PCDH11X: variants seen among roughly 807,000 people sequenced by gnomAD.
PCDH11X encodes the protein protocadherin 11 X-linked, also known as protocadherin-11 X-linked.
Under a neutral mutation model 53.3 loss-of-function variants are expected in PCDH11X, and 18 were observed. The observed-to-expected ratio is 0.34, with a 90% CI of 0.23 to 0.50. The LOEUF is 0.50. PCDH11X is among the 20% of genes least tolerant of loss of function. PCDH11X has a pLI of 0.98. For synonymous variants in PCDH11X, 279 were observed against 393.3 expected, an observed-to-expected ratio of 0.71 and a Z score of 3.44; for missense variants, 570 against 1,032.4, an observed-to-expected ratio of 0.55 and a Z score of 6.14.
chrX:92,428,130 A>C (rs2072167315), intron 9 of PCDH11X, among the ~76,000 whole-genome samples: 1 of 106,443 alleles, frequency 9.4e-6, no homozygotes, highest in African/African-American at 3.4e-5. Flanking sequence ...TCAGAATCAT[A>C]ATAAAACTCT....
chrX:92,056,599 C>A (rs1432184880), intron 6 of PCDH11X, among the ~76,000 whole-genome samples: 1 of 110,273 alleles, frequency 9.1e-6, no homozygotes, highest in Non-Finnish European at 1.9e-5. Context: ...GTCATGCAAT[C>A]TTTGCCCATG....
chrX:92,382,404 T>C (rs1381889964), intron 8 of PCDH11X, among the ~76,000 whole-genome samples: 1 of 111,259 alleles, frequency 9.0e-6, no homozygotes, highest in Non-Finnish European at 1.9e-5. Context: ...TCAAGTATTC[T>C]ATAATTAGAA....
intron 9 of PCDH11X, among the ~76,000 whole-genome samples, chrX:92,407,664 G>A (rs1248706787): frequency 9.2e-6 from 1 of 108,113 alleles, no homozygotes; most frequent in Non-Finnish European, 1.9e-5. Flanking sequence ...ACATAGTCTT[G>A]ATAAAAATAA....
At chrX:92,416,569 A>G (rs2071816380) in intron 9 of PCDH11X, among the ~76,000 whole-genome samples, 1 of 110,508 alleles carries the variant, frequency 9.0e-6, no homozygotes, top group African/African-American at 3.3e-5. Flanking sequence ...TGAGAATGGA[A>G]ATTAGAAAGT....
chrX:92,284,827 G>T (rs1426867012), intron 8 of PCDH11X, among the ~76,000 whole-genome samples: 4 of 111,846 alleles, frequency 3.6e-5, no homozygotes, highest in Non-Finnish European at 5.6e-5. Context: ...AAATGAGCTG[G>T]AACTCTAGGG....
intron 7 of PCDH11X, among the ~76,000 whole-genome samples, chrX:92,218,321 G>A (rs868554411): frequency 2.6e-5 from 1 of 38,603 alleles, no homozygotes; most frequent in Non-Finnish European, 6.1e-5. Context: ...AAGAAGAAAA[G>A]AGAGAAGAAT....
chrX:92,194,067 C>CGTTA (rs1368403424), intron 6 of PCDH11X, among the ~76,000 whole-genome samples: 1 of 111,682 alleles, frequency 9.0e-6, no homozygotes, highest in Non-Finnish European at 1.9e-5. Flanking sequence ...CTTATGGTAA[C>CGTTA]AGCAGTGACA....
At chrX:92,499,833 T>TA (rs775131573) in intron 10 of PCDH11X, among the ~76,000 whole-genome samples, 8 of 104,193 alleles carry the variant, frequency 7.7e-5, no homozygotes. Flanking sequence ...CCATGTCTCA[T>TA]AAAAAAAGAA....
intron 8 of PCDH11X, among the ~76,000 whole-genome samples, chrX:92,312,434 T>C (rs1288379167): frequency 9.1e-6 from 1 of 110,359 alleles, no homozygotes; most frequent in African/African-American, 3.3e-5. Context: ...TTCAAATTTA[T>C]CAAAATGTAA....
chrX:92,147,825 TTCTTTCTTTC>T, intron 6 of PCDH11X, among the ~76,000 whole-genome samples: 1 of 91,888 alleles, frequency 1.1e-5, no homozygotes, highest in African/African-American at 4.6e-5. Flanking sequence ...CTTTCTTTCT[TTCTTTCTTTC>T]TTTCTTTCTT....
intron 10 of PCDH11X, among the ~76,000 whole-genome samples, chrX:92,582,610 G>A (rs1248500601): frequency 9.0e-6 from 1 of 111,250 alleles, no homozygotes; most frequent in Admixed American, 9.6e-5. Context: ...GAAAGAAAAT[G>A]TGGGGTTGAA....
intron 10 of PCDH11X, among the ~76,000 whole-genome samples, chrX:92,533,518 A>G (rs1234127887): frequency 1.9e-5 from 2 of 106,120 alleles, no homozygotes; most frequent in Non-Finnish European, 3.9e-5. Context: ...CATGCTTAGC[A>G]TGTTGGAAGA....
chrX:92,086,191 G>T (rs1013085441), intron 6 of PCDH11X, among the ~76,000 whole-genome samples: 14 of 110,964 alleles, frequency 1.3e-4, no homozygotes, highest in African/African-American at 4.6e-4. Flanking sequence ...TTGACTGAAG[G>T]TTGCTTAATA....
rs754595290 is a variant in PCDH11X at position 91,974,827 on chromosome X, A to G, written c.3033+95554A>G. 4.9e-4 allele frequency among the ~76,000 whole-genome samples: 53 copies of G among 108,681 alleles called. No individual in the cohort carries two copies. The East Asian group carries it at 0.012, about 25-fold the overall frequency. The allele number at this position is 108,681 out of a possible 115,157, so 94.4% of individuals were successfully genotyped here. On this transcript the variant is annotated intron_variant, in intron 6 of 10. Coordinates refer to ENST00000682573, the MANE Select transcript of PCDH11X (RefSeq NM_032968.5). ...GAGTGCAATGGCCCGATCTCGGCTC[A>G]CTGCAACCTCCACCTCCCGGGCTCA...
intron 7 of PCDH11X, among the ~76,000 whole-genome samples, chrX:92,253,050 A>C (rs1213444166): frequency 1.8e-5 from 2 of 111,506 alleles, no homozygotes; most frequent in Non-Finnish European, 3.8e-5. Flanking sequence ...AAGAAAAAAA[A>C]AAGTTGTAAA....
intron 9 of PCDH11X, among the ~76,000 whole-genome samples, chrX:92,465,801 T>C (rs765982633): frequency 1.2e-3 from 129 of 111,239 alleles, no homozygotes; most frequent in African/African-American, 4.0e-3. Flanking sequence ...AGATTTTTTT[T>C]CTTTAAAATG....
chrX:91,863,433 T>C (rs1188383684), intron 5 of PCDH11X, among the ~76,000 whole-genome samples: 1 of 111,983 alleles, frequency 8.9e-6, no homozygotes, highest in South Asian at 3.7e-4. Context: ...CTCTTTTTTG[T>C]TTTCCATTGG....
At chrX:92,350,072 G>T (rs1184047380) in intron 8 of PCDH11X, among the ~76,000 whole-genome samples, 2 of 110,764 alleles carry the variant, frequency 1.8e-5, no homozygotes, top group African/African-American at 6.6e-5. Context: ...CATATACACT[G>T]AAGTTGTGAT....
intron 8 of PCDH11X, among the ~76,000 whole-genome samples, chrX:92,308,461 A>G (rs1463500614): frequency 1.8e-5 from 2 of 111,412 alleles, no homozygotes; most frequent in Non-Finnish European, 3.8e-5. Flanking sequence ...AAAATAATGA[A>G]GTGAGACTCT....
Sources: allele counts gnomAD v4.1 joint callset (sites outside exome capture counted in the v4.1 genomes callset), GRCh38; gene constraint gnomAD v4.1.1; transcripts MANE v1.5; gene names NCBI Gene and HGNC (gene_info 2026-07-23, HGNC 2026-07-21).